Variants in TPR observed in about 807,000 individuals in gnomAD.
TPR encodes the protein nucleoprotein TPR.
Under a neutral mutation model 316.1 loss-of-function variants are expected in TPR, and 51 were observed. The observed-to-expected ratio is 0.16, with a 90% confidence interval of 0.13 to 0.20. The LOEUF (loss-of-function observed/expected upper bound fraction) is 0.20. TPR is among the 10% of genes least tolerant of loss of function. The pLI is 1.00. For missense variants in TPR, 2,272 were observed against 2,754.8 expected, an observed-to-expected ratio of 0.82 and a Z score of 3.92; for synonymous variants, 981 against 914.7, an observed-to-expected ratio of 1.07 and a Z score of -1.31.
rs745722788 is a variant in TPR at position 186,357,617 on chromosome 1, C to T, written c.1504G>A (p.Val502Met). ...GCTTCTTCAAGTTCCATCAAAAGCA[C>T]TCTAATCTAAAAACAAAGTTTTAAT... ...QVKDLSQQIR[V>M]LLMELEEARG... The change falls in exon 14 of 51, where the codon GTG becomes ATG. Residue 502 changes from valine to methionine, a missense_variant. Around this residue, in one of 10 missense-constraint regions of TPR, gnomAD observed 549 missense variants for 598.6 expected, o/e 0.92. Coordinates refer to ENST00000367478, the MANE Select transcript of TPR (RefSeq NM_003292.3). The T allele has an allele frequency of 1.2e-6, 2 of 1,611,196 alleles. No homozygotes were observed. Among genetic ancestry groups the T allele is most frequent in the Non-Finnish European group, 1.7e-6 (2 of 1,179,244 alleles).
At chr1:186,359,377 AG>A (rs201094736) in intron 12 of TPR, among the ~76,000 whole-genome samples, 2,605 of 152,260 alleles carry the variant, frequency 0.017, 78 homozygotes, top group African/African-American at 0.059. Flanking sequence ...GGTATAAAAA[AG>A]GAGTTCTACC....
intron 39 of TPR, 152 bp from the exon 40 acceptor site, chr1:186,327,812 G>A (rs932063141): frequency 3.1e-5 from 21 of 686,798 alleles, no homozygotes; most frequent in Admixed American, 9.0e-5. Flanking sequence ...AGACAGTCTC[G>A]CTCTTGTCAC....
At chr1:186,337,243 C>A in intron 31 of TPR, 87 bp from the exon 32 acceptor site, 1 of 1,445,166 alleles carries the variant, frequency 6.9e-7, no homozygotes. Context: ...ATAATCACAG[C>A]TTTGCAAAGA....
rs542236785 is a variant in TPR, at chr1:186,327,098, TA to T, written c.5889+361del. On this transcript the variant is annotated intron_variant, in intron 40 of 50. Transcript: ENST00000367478. ...ATATATAAATATATAACATATATAT[TA>T]TATATATAAATATATATAAATATAT... 1.4e-3 allele frequency among the ~76,000 whole-genome samples: 24 copies of T among 17,614 alleles called. 6 individuals carry two copies. Among genetic ancestry groups the T allele is most frequent in the Non-Finnish European group, 2.0e-3 (18 of 9,142 alleles). 11.6% of individuals were successfully genotyped at this position (17,614 alleles called of 152,430 possible).
chr1:186,338,197 T>G lies in TPR; in HGVS notation c.4198A>C (p.Lys1400Gln). The G allele has an allele frequency of 3.1e-6, 5 of 1,612,788 alleles. No homozygotes were observed. The highest frequency in any genetic ancestry group is 4.2e-6 in the Non-Finnish European group (5 of 1,179,500). ...GTTCTTACTTTATTTAGATCTTCCTTCAGACTCTGAATTAAGTTCTGGTTG... is the reference window on the plus strand; with the variant it reads ...GTTCTTACTTTATTTAGATCTTCCTGCAGACTCTGAATTAAGTTCTGGTTG... Reference protein sequence around the residue: ...TNNQNLIQSLKEDLNKVRTEK... With the variant: ...TNNQNLIQSLQEDLNKVRTEK... The change falls in exon 31 of 51, where the codon AAG becomes CAG. Residue 1400 changes from lysine to glutamine, a missense_variant. Lys to Gln is a moderately conservative substitution (Grantham distance 53, BLOSUM62 1). Transcript: ENST00000367478.
At chr1:186,337,266 G>C in intron 31 of TPR, 110 bp from the exon 32 acceptor site, 1 of 1,332,952 alleles carries the variant, frequency 7.5e-7, no homozygotes, top group Non-Finnish European at 9.9e-7. Flanking sequence ...TTTTATCCCT[G>C]AAGGTATTCA....
At position 186,338,061 on chromosome 1, in the gene TPR, T is replaced by C. The variant is rs758799434; in HGVS notation, c.4334A>G (p.Tyr1445Cys). 12 of 1,609,848 alleles carry C rather than the reference T, an allele frequency of 7.5e-6. No homozygotes were observed. The South Asian group carries it at 1.2e-4, about 16-fold the overall frequency. ...KKIGRRYKTQYEELKAQQDKV... is the reference protein window; with the variant it reads ...KKIGRRYKTQCEELKAQQDKV... The stretch of plus-strand genomic sequence containing the variant: ...ATCCTGTTGTGCTTTAAGTTCTTCA[T>C]ATTGAGTCTTGTACCTACGTCCAAT... Residue 1445 changes from tyrosine to cysteine, a missense_variant, in exon 31 of 51, where the codon TAT becomes TGT. Physicochemically the swap from Tyr to Cys is radical, Grantham distance 194. Around this residue, in one of 10 missense-constraint regions of TPR, gnomAD observed 101 missense variants for 113.0 expected, o/e 0.89. Coordinates refer to ENST00000367478, the MANE Select transcript of TPR (RefSeq NM_003292.3).
In TPR at chr1:186,312,146, T is replaced by G. The variant is rs1208481620; in HGVS notation, c.*1825A>C. Reference sequence around the variant, plus strand: ...TGAGGGTATTAAAATTAATTTTCATTTTCCATGTGATATTCTAATACATAA... The same window carrying G: ...TGAGGGTATTAAAATTAATTTTCATGTTCCATGTGATATTCTAATACATAA... On this transcript the variant is annotated 3_prime_UTR_variant, in exon 51 of 51. Coordinates refer to ENST00000367478, the MANE Select transcript of TPR (RefSeq NM_003292.3). The G allele has an allele frequency of 1.2e-6, 2 of 1,601,222 alleles. No individual in the cohort carries two copies. Among genetic ancestry groups the G allele is most frequent in the Non-Finnish European group, 1.7e-6 (2 of 1,168,574 alleles).
chr1:186,312,115 C>A lies in TPR; in HGVS notation c.*1856G>T. 6.6e-7 allele frequency: 1 copy of A among 1,506,482 alleles called. No individual in the cohort carries two copies. The allele number at this position is 1,506,482 out of a possible 1,614,324, so 93.3% of individuals were successfully genotyped here. On this transcript the variant is annotated 3_prime_UTR_variant, in exon 51 of 51. Coordinates refer to ENST00000367478, the MANE Select transcript of TPR (RefSeq NM_003292.3). ...ATACATTGTAAAAGTTGTTTTCCACCTTTTCTGAGGGTATTAAAATTAATT... is the reference window on the plus strand; with the variant it reads ...ATACATTGTAAAAGTTGTTTTCCACATTTTCTGAGGGTATTAAAATTAATT...
At chr1:186,320,446 G>A in intron 45 of TPR, 28 bp from the exon 46 acceptor site, 1 of 1,571,744 alleles carries the variant, frequency 6.4e-7, no homozygotes, top group Non-Finnish European at 8.7e-7. Flanking sequence ...AATTTAAGAT[G>A]AAATTTAAAG....
intron 46 of TPR, among the ~76,000 whole-genome samples, chr1:186,319,592 C>G (rs190833946): frequency 1.2e-3 from 183 of 152,212 alleles, no homozygotes; most frequent in Non-Finnish European, 2.2e-3. Context: ...TAAGAAGAGG[C>G]CTTCAGTGTT....
intron 18 of TPR, 117 bp from the exon 19 acceptor site, chr1:186,352,227 T>C: frequency 1.1e-6 from 1 of 894,604 alleles, no homozygotes; most frequent in South Asian, 2.8e-5. Flanking sequence ...TCTTAGGGAC[T>C]ATATCTCCTC....
At chr1:186,331,660 T>C (rs1658170554) in intron 38 of TPR, 79 bp from the exon 39 acceptor site, 5 of 883,488 alleles carry the variant, frequency 5.7e-6, no homozygotes, top group Non-Finnish European at 8.2e-6. Context: ...GTTCTCTCAT[T>C]TGAAAAAACC....
intron 39 of TPR, among the ~76,000 whole-genome samples, 196 bp downstream of exon 39, chr1:186,331,302 T>C (rs1465810823): frequency 6.6e-6 from 1 of 151,896 alleles, no homozygotes; most frequent in East Asian, 1.9e-4. Context: ...TTCTTTAATA[T>C]AAGTTTAGAA....
At chr1:186,365,749 T>C (rs1391370984) in intron 4 of TPR, among the ~76,000 whole-genome samples, 1 of 152,192 alleles carries the variant, frequency 6.6e-6, no homozygotes, top group Non-Finnish European at 1.5e-5. Context: ...ATGTTGTGCA[T>C]GATGTCACAA....
chr1:186,320,550 CTATT>C, intron 45 of TPR, 132 bp from the exon 46 acceptor site: 2 of 750,014 alleles, frequency 2.7e-6, no homozygotes, highest in Non-Finnish European at 4.1e-6. Context: ...AAAATAAAGT[CTATT>C]TATTTTAAAG....
intron 48 of TPR, 61 bp from the exon 49 acceptor site, chr1:186,317,661 C>A: frequency 1.4e-6 from 2 of 1,451,144 alleles, no homozygotes; most frequent in Non-Finnish European, 9.6e-7. Context: ...TAAATTATAT[C>A]CACTCTTTTA....
intron 47 of TPR, 65 bp from the exon 48 acceptor site, chr1:186,318,668 A>G: frequency 6.2e-7 from 1 of 1,607,074 alleles, no homozygotes; most frequent in Non-Finnish European, 8.5e-7. Flanking sequence ...TTTTAGCCAG[A>G]AGATACTTCA....
In TPR at chr1:186,375,235, T is replaced by G. The variant is rs766686216; in HGVS notation, c.-207A>C. On this transcript the variant is annotated 5_prime_UTR_variant, in exon 1 of 51. Coordinates refer to ENST00000367478, the MANE Select transcript of TPR (RefSeq NM_003292.3). ...GCGGCAGCGTTTCAGCAACAGCACC[T>G]CACCGCCCGCGACCGAAGTGCGCGC... The G allele has an allele frequency of 7.5e-6, 11 of 1,457,434 alleles. No individual in the cohort carries two copies. The South Asian group carries it at 1.4e-4, about 19-fold the overall frequency. The allele number at this position is 1,457,434 out of a possible 1,614,324, so 90.3% of individuals were successfully genotyped here. A position where few individuals can be genotyped will look rare whatever the true frequency, so the allele number is the denominator to read the frequency against.
Sources: gnomAD v4.1 joint callset for allele counts (sites outside exome capture counted in the v4.1 genomes callset) on GRCh38, gnomAD v4.1.1 for gene constraint, gnomAD v4.1.1 regional missense constraint, MANE v1.5 for transcripts, NCBI Gene and HGNC (gene_info 2026-07-23, HGNC 2026-07-21) for gene names.